Variants in KLF3 observed in about 807,000 individuals in gnomAD.
The protein encoded by KLF3 is KLF transcription factor 3.
In KLF3, 6 loss-of-function variants were observed where a neutral mutation model predicts 32.7. The observed-to-expected ratio is 0.18, with a 90% CI of 0.10 to 0.36. KLF3 has a LOEUF of 0.36. Among genes scored for constraint, KLF3 ranks in the 10% least tolerant of loss-of-function variants. The pLI, the probability that KLF3 is intolerant of heterozygous loss-of-function variation, is 1.00. For missense variants in KLF3, 338 were observed against 449.7 expected, an observed-to-expected ratio of 0.75 and a Z score of 2.25; for synonymous variants, 145 against 172.8, an observed-to-expected ratio of 0.84 and a Z score of 1.26.
intron 2 of KLF3, among the ~76,000 whole-genome samples, chr4:38,688,000 A>C (rs756518466): frequency 6.6e-6 from 1 of 152,216 alleles, no homozygotes; most frequent in African/African-American, 2.4e-5. Context: ...AAGCCCATCA[A>C]ATGAAAGGTA....
At chr4:38,668,514 G>A (rs1722107411) in intron 1 of KLF3, among the ~76,000 whole-genome samples, 1 of 152,080 alleles carries the variant, frequency 6.6e-6, no homozygotes, top group South Asian at 2.1e-4. Context: ...TATTAAGAGA[G>A]TTATTAGTAT....
chr4:38,664,910 G>C lies in KLF3; in HGVS notation c.-40+449G>C, dbSNP rs1319644689. 1.3e-5 allele frequency: 2 copies of C among 151,530 alleles called. 1 individual carries two copies. The highest frequency in any genetic ancestry group is 1.3e-4 in the Admixed American group (2 of 15,240). 9.4% of individuals were successfully genotyped at this position (151,530 alleles called of 1,614,324 possible). On this transcript the variant is annotated intron_variant, in intron 1 of 5. Coordinates refer to ENST00000261438, the MANE Select transcript of KLF3 (RefSeq NM_016531.6). ...GAGAAAGGTAGCGCCGCGGCCGCGC[G>C]CTCCTGCTCCTCCCCCTCCCGGTGC...
rs1722772116 is a variant in KLF3, at chr4:38,688,678, G to A, written c.151G>A (p.Glu51Lys). The A allele has an allele frequency of 6.2e-7, 1 of 1,614,168 alleles. No individual in the cohort carries two copies. Among genetic ancestry groups the A allele is most frequent in the East Asian group, 2.2e-5 (1 of 44,878 alleles). ...GCCTGAGAAGTTCTTTCAGACCCCA[G>A]AAGGTCTGTCGCACGGAATACAGAT... ...PLPEKFFQTP[E>K]GLSHGIQMEP... Residue 51 changes from glutamate (E) to lysine (K), a missense_variant, in exon 3 of 6, where the codon GAA becomes AAA. Physicochemically the swap from Glu to Lys is moderately conservative, Grantham distance 56 (BLOSUM62 1). Coordinates refer to ENST00000261438, the MANE Select transcript of KLF3 (RefSeq NM_016531.6). This position sits in a 1 kb window ranked among gnomAD's most constrained non-coding sequence, Gnocchi z 4.9.
At chr4:38,665,380 A>T (rs1402847099) in intron 1 of KLF3, among the ~76,000 whole-genome samples, 1 of 152,152 alleles carries the variant, frequency 6.6e-6, no homozygotes, top group East Asian at 1.9e-4. Context: ...TTTCTTAGAG[A>T]TGGCAGATGA....
intron 1 of KLF3, among the ~76,000 whole-genome samples, chr4:38,673,236 G>C (rs1722251795): frequency 6.6e-6 from 1 of 152,130 alleles, no homozygotes; most frequent in Non-Finnish European, 1.5e-5. Flanking sequence ...CCAGGAACTG[G>C]CTGCTGCCCA....
In KLF3 at chr4:38,693,349, T is replaced by A. The variant is rs575668021; in HGVS notation, c.696-1397T>A. 3.6e-4 allele frequency among the ~76,000 whole-genome samples: 52 copies of A among 146,428 alleles called. 1 individual carries two copies. The South Asian group carries it at 6.8e-3, about 19-fold the overall frequency. On this transcript the variant is annotated intron_variant, in intron 4 of 5. Transcript: ENST00000261438. ...GAGCAGTAAATAAATAATGTTTTTT[T>A]TAAAAAAAAAAAGCATGAGAAGTAA...
At chr4:38,664,809 C>A (rs979131543) in intron 1 of KLF3, 1 of 151,980 alleles carries the variant, frequency 6.6e-6, no homozygotes, top group African/African-American at 2.4e-5. Context: ...TGGTCCCCGG[C>A]CTCCTCCCGC....
chr4:38,667,330 G>T (rs981671623), intron 1 of KLF3, among the ~76,000 whole-genome samples: 5 of 152,136 alleles, frequency 3.3e-5, no homozygotes, highest in Non-Finnish European at 5.9e-5. Flanking sequence ...GCTCTTTCCT[G>T]TTTCAGGCTG....
At chr4:38,689,676 A>G in intron 3 of KLF3, 53 bp from the exon 4 acceptor site, 1 of 1,374,418 alleles carries the variant, frequency 7.3e-7, no homozygotes, top group Non-Finnish European at 1.0e-6. Flanking sequence ...AGCTTTTAAA[A>G]GCTGAAATTG....
intron 1 of KLF3, among the ~76,000 whole-genome samples, chr4:38,672,014 GATA>G (rs1722211588): frequency 6.6e-6 from 1 of 152,148 alleles, no homozygotes; most frequent in South Asian, 2.1e-4. Context: ...TCACTGAGTG[GATA>G]ATAATAAATT....
At position 38,699,844 on chromosome 4, in the gene KLF3, T is replaced by A. The variant is rs898324816; in HGVS notation, c.*2581T>A. ...TATATATATTTGTATTTTACTATGA[T>A]AGTTGAGAAATTTAGCCTCTTAGTC... On this transcript the variant is annotated 3_prime_UTR_variant, in exon 6 of 6. Transcript: ENST00000261438. The A allele has an allele frequency of 6.6e-6, 1 of 152,210 alleles. No individual in the cohort carries two copies. Among genetic ancestry groups the A allele is most frequent in the African/African-American group, 2.4e-5 (1 of 41,450 alleles). The allele number at this position is 152,210 out of a possible 1,614,324, so 9.4% of individuals were successfully genotyped here.
At position 38,693,497 on chromosome 4, in the gene KLF3, C is replaced by G. The variant is rs1722946908; in HGVS notation, c.696-1249C>G. 5.9e-5 allele frequency among the ~76,000 whole-genome samples: 9 copies of G among 151,978 alleles called. No homozygotes were observed. In the South Asian group the frequency reaches 1.9e-3, roughly 32 times the overall value. On this transcript the variant is annotated intron_variant, in intron 4 of 5. Coordinates refer to ENST00000261438, the MANE Select transcript of KLF3 (RefSeq NM_016531.6). Reference sequence around the variant, plus strand: ...AGACAAGTTTTATACCAAGAGACTCCCTTTTGATTTTTATGGATAAATTTC... The same window carrying G: ...AGACAAGTTTTATACCAAGAGACTCGCTTTTGATTTTTATGGATAAATTTC...
intron 3 of KLF3, among the ~76,000 whole-genome samples, 170 bp from the exon 4 acceptor site, chr4:38,689,559 A>G (rs909243141): frequency 5.9e-5 from 9 of 152,198 alleles, no homozygotes; most frequent in Non-Finnish European, 1.0e-4. Context: ...TACTGGCAAA[A>G]TAATGGTCAG....
intron 1 of KLF3, among the ~76,000 whole-genome samples, chr4:38,667,011 A>G (rs1243323485): frequency 6.6e-6 from 1 of 152,200 alleles, no homozygotes; most frequent in Admixed American, 6.5e-5. Context: ...GTTCATTAGG[A>G]AGGTCTCTGC....
At chr4:38,689,121 G>C in intron 3 of KLF3, 50 bp downstream of exon 3, 1 of 1,595,172 alleles carries the variant, frequency 6.3e-7, no homozygotes, top group Non-Finnish European at 8.6e-7. Context: ...GCGTACTGGC[G>C]CTTCACCAGA....
At chr4:38,682,205 CAT>C (rs1722547588) in intron 2 of KLF3, among the ~76,000 whole-genome samples, 2 of 152,280 alleles carry the variant, frequency 1.3e-5, no homozygotes, top group Non-Finnish European at 2.9e-5. Context: ...ATTACAGGCG[CAT>C]GCCACCACGC....
chr4:38,683,099 G>T (rs1722578958), intron 2 of KLF3, among the ~76,000 whole-genome samples: 1 of 152,030 alleles, frequency 6.6e-6, no homozygotes, highest in Non-Finnish European at 1.5e-5. Flanking sequence ...GCCTTCATAG[G>T]TGAAGTATAT....
chr4:38,695,451 G>A (rs537951393), intron 5 of KLF3, among the ~76,000 whole-genome samples: 10 of 152,198 alleles, frequency 6.6e-5, no homozygotes, highest in East Asian at 3.9e-4. Flanking sequence ...CTTCCATCTC[G>A]CCCAATACTG....
intron 1 of KLF3, among the ~76,000 whole-genome samples, chr4:38,676,862 T>G (rs891767932): frequency 2.0e-5 from 3 of 152,120 alleles, no homozygotes; most frequent in Non-Finnish European, 4.4e-5. Flanking sequence ...TTCATCAACA[T>G]TTGGATTACT....
Sources: allele counts gnomAD v4.1 joint callset (sites outside exome capture counted in the v4.1 genomes callset), GRCh38; gene constraint gnomAD v4.1.1; non-coding constraint Gnocchi (gnomAD v3.1); transcripts MANE v1.5; gene names NCBI Gene and HGNC (gene_info 2026-07-23, HGNC 2026-07-21).